The following PLEKHG1 variants were observed in gnomAD, a reference collection of about 807,000 sequenced individuals.
The protein encoded by PLEKHG1 is pleckstrin homology and RhoGEF domain containing G1, also known as pleckstrin homology domain-containing family G member 1.
A neutral mutation model predicts 100.8 loss-of-function variants in PLEKHG1; 44 were observed. The observed-to-expected ratio is 0.44, with a 90% CI of 0.34 to 0.56. The LOEUF (loss-of-function observed/expected upper bound fraction) is 0.56, where lower values mean the gene tolerates loss of function less well. Ranked by LOEUF, PLEKHG1 falls within the 20% of genes least tolerant of loss-of-function variation. The pLI is 0.01. For missense variants in PLEKHG1, 1,545 were observed against 1,720.9 expected, an observed-to-expected ratio of 0.90 and a Z score of 1.81; for synonymous variants, 640 against 662.5, an observed-to-expected ratio of 0.97 and a Z score of 0.52.
intron 3 of PLEKHG1, among the ~76,000 whole-genome samples, chr6:150,657,077 T>C (rs1379013476): frequency 6.6e-6 from 1 of 152,152 alleles, no homozygotes; most frequent in East Asian, 1.9e-4. Flanking sequence ...CTCAAATTCT[T>C]AGGTGAAAAT....
intron 3 of PLEKHG1, among the ~76,000 whole-genome samples, chr6:150,773,007 T>G (rs1784783075): frequency 6.6e-6 from 1 of 152,218 alleles, no homozygotes; most frequent in African/African-American, 2.4e-5. Context: ...GAAAATAAAT[T>G]GTATAACGTG....
chr6:150,649,953 A>G (rs1346571036), intron 2 of PLEKHG1, among the ~76,000 whole-genome samples: 1 of 152,098 alleles, frequency 6.6e-6, no homozygotes, highest in Non-Finnish European at 1.5e-5. Context: ...CGGAGCTTGC[A>G]GTAAGCCGAG....
intron 10 of PLEKHG1, among the ~76,000 whole-genome samples, chr6:150,810,999 A>G (rs1787492833): frequency 6.6e-6 from 1 of 152,046 alleles, no homozygotes; most frequent in East Asian, 1.9e-4. Flanking sequence ...GCTTAAAAGA[A>G]GATCAAGTTA....
intron 2 of PLEKHG1, among the ~76,000 whole-genome samples, chr6:150,638,604 G>A (rs573629986): frequency 1.3e-5 from 2 of 152,322 alleles, no homozygotes; most frequent in Admixed American, 1.3e-4. Context: ...ATGAGAGGGA[G>A]AGGATGGAGA....
In PLEKHG1 at chr6:150,831,846, G is replaced by A. The variant is rs149488054; in HGVS notation, c.2735G>A (p.Arg912His). 3.4e-5 allele frequency: 55 copies of A among 1,612,544 alleles called. No individual in the cohort carries two copies. The highest frequency in any genetic ancestry group is 1.6e-4 in the Middle Eastern group (1 of 6,082). Residue 912 changes from arginine (R) to histidine (H), a missense_variant, in exon 15 of 16, where the codon CGC becomes CAC. Coordinates refer to ENST00000358517, the Ensembl canonical transcript of PLEKHG1. The surrounding 1 kb of genome is among the most constrained non-coding windows in gnomAD (Gnocchi z 4.1). ...AAGAGCAGGGCTGGCAGAGCCAGCC[G>A]CGCCAACTGCCCCTTTGAGGAAGAC... is the stretch of plus-strand genomic sequence containing the variant.
At chr6:150,716,031 C>T (rs1385598427) in intron 3 of PLEKHG1, among the ~76,000 whole-genome samples, 27 of 148,880 alleles carry the variant, frequency 1.8e-4, no homozygotes, top group African/African-American at 6.4e-4. Context: ...TGGCGTGAAC[C>T]CGGGAGGCGG....
chr6:150,756,230 G>A (rs1783833639), intron 2 of PLEKHG1, among the ~76,000 whole-genome samples: 1 of 152,062 alleles, frequency 6.6e-6, no homozygotes. Flanking sequence ...CATCACTTTG[G>A]CCCACGCACC....
At chr6:150,749,545 C>T (rs181452728) in intron 2 of PLEKHG1, among the ~76,000 whole-genome samples, 13 of 152,200 alleles carry the variant, frequency 8.5e-5, no homozygotes, top group Admixed American at 3.3e-4. Context: ...AATTGGCACC[C>T]GCTATCCTGT....
chr6:150,615,843 T>C (rs375195981), intron 1 of PLEKHG1, among the ~76,000 whole-genome samples: 8 of 152,228 alleles, frequency 5.3e-5, no homozygotes, highest in African/African-American at 1.2e-4. Context: ...GCTGGATTGA[T>C]TGGTACAGTG....
At chr6:150,757,900 G>A (rs934244854) in intron 2 of PLEKHG1, among the ~76,000 whole-genome samples, 1 of 151,972 alleles carries the variant, frequency 6.6e-6, no homozygotes, top group African/African-American at 2.4e-5. Context: ...TCCCCTCCCT[G>A]TGTCCATGTG....
intron 4 of PLEKHG1, among the ~76,000 whole-genome samples, chr6:150,794,023 A>G (rs1173702034): frequency 6.6e-6 from 1 of 152,218 alleles, no homozygotes; most frequent in Non-Finnish European, 1.5e-5. Context: ...CAGAGACTGC[A>G]GTGAACCAAG....
chr6:150,607,071 G>A (rs1453384686), intron 1 of PLEKHG1, among the ~76,000 whole-genome samples: 1 of 152,150 alleles, frequency 6.6e-6, no homozygotes, highest in Non-Finnish European at 1.5e-5. Context: ...AGGCCCTTGT[G>A]TTTTAAGAAT....
chr6:150,705,842 G>T (rs1161409991), intron 3 of PLEKHG1, among the ~76,000 whole-genome samples: 1 of 152,118 alleles, frequency 6.6e-6, no homozygotes, highest in Non-Finnish European at 1.5e-5. Context: ...TTATCTCTGG[G>T]GTTCAGAAAG....
At chr6:150,800,770 C>A (rs763403565) in exon 6 of PLEKHG1, 1 of 1,613,770 alleles carries the variant, frequency 6.2e-7, no homozygotes, top group Admixed American at 1.7e-5. Flanking sequence ...TGGCCAAATT[C>A]TTCAGGGAGC....
intron 1 of PLEKHG1, among the ~76,000 whole-genome samples, chr6:150,616,424 C>G (rs567700048): frequency 6.6e-6 from 1 of 152,264 alleles, no homozygotes; most frequent in East Asian, 1.9e-4. Context: ...GGCAAGGATG[C>G]CTTTGGCCAG....
intron 1 of PLEKHG1, among the ~76,000 whole-genome samples, chr6:150,603,090 A>AT (rs1776429568): frequency 7.8e-6 from 1 of 128,992 alleles, no homozygotes; most frequent in African/African-American, 2.6e-5. Context: ...AAAAAAAAAA[A>AT]AAATAAAAAA....
intron 4 of PLEKHG1, among the ~76,000 whole-genome samples, chr6:150,786,993 G>T (rs1319966291): frequency 7.1e-6 from 1 of 140,996 alleles, no homozygotes; most frequent in Non-Finnish European, 1.5e-5. Context: ...TAACGCCATT[G>T]CACTCCAGCC....
chr6:150,741,075 C>G (rs1175487021), intron 2 of PLEKHG1, among the ~76,000 whole-genome samples: 1 of 152,208 alleles, frequency 6.6e-6, no homozygotes, highest in African/African-American at 2.4e-5. Flanking sequence ...TTCATATCTT[C>G]ATACTGCAAC....
At chr6:150,617,359 G>A (rs149839549) in intron 1 of PLEKHG1, among the ~76,000 whole-genome samples, 142 of 152,258 alleles carry the variant, frequency 9.3e-4, no homozygotes, top group African/African-American at 3.3e-3. Context: ...TTGAGTCAAC[G>A]GAATTGTTGT....
Sources: allele counts gnomAD v4.1 joint callset (sites outside exome capture counted in the v4.1 genomes callset), GRCh38; gene constraint gnomAD v4.1.1; non-coding constraint Gnocchi (gnomAD v3.1); transcripts MANE v1.5; gene names NCBI Gene and HGNC (gene_info 2026-07-23, HGNC 2026-07-21).